Variants in PKNOX1 observed in about 807,000 individuals in gnomAD.
PKNOX1 encodes the protein homeobox protein PKNOX1.
Under a neutral mutation model 51.9 loss-of-function variants are expected in PKNOX1, and 15 were observed. That is an observed-to-expected ratio of 0.29 (90% CI 0.19 to 0.45). The LOEUF (loss-of-function observed/expected upper bound fraction) is 0.45. Ranked by LOEUF, PKNOX1 falls within the 20% of genes least tolerant of loss-of-function variation. PKNOX1 has a pLI of 1.00. For synonymous variants in PKNOX1, 219 were observed against 211.1 expected (o/e 1.04, Z -0.32); for missense variants, 462 against 547.5 (o/e 0.84, Z 1.56).
In PKNOX1 at chr21:43,022,400, C is replaced by T. The variant is rs769232496; in HGVS notation, c.849+969C>T. On this transcript the variant is annotated intron_variant, in intron 8 of 10. Coordinates refer to ENST00000291547, the MANE Select transcript of PKNOX1 (RefSeq NM_004571.5). The stretch of plus-strand genomic sequence containing the variant: ...GCGGCCCACTTTCCTCTGGCTGCCT[C>T]GGGCTCCTCAGTTGAGGATAGGGTC... Among the ~76,000 whole-genome samples, 164 of 152,312 alleles carry T rather than the reference C, an allele frequency of 1.1e-3. No homozygotes were observed. In the Middle Eastern group the frequency reaches 0.027, roughly 25 times the overall value.
At position 43,031,130 on chromosome 21, in the gene PKNOX1, TA is replaced by T. The variant is rs1181479962; in HGVS notation, c.*1030del. 1 of 152,700 alleles carries T rather than the reference TA, an allele frequency of 6.5e-6. No individual in the cohort carries two copies. Among genetic ancestry groups the T allele is most frequent in the East Asian group, 1.9e-4 (1 of 5,202 alleles). The allele number at this position is 152,700 out of a possible 1,614,324, so 9.5% of individuals were successfully genotyped here. On this transcript the variant is annotated 3_prime_UTR_variant, in exon 11 of 11. Transcript: ENST00000291547. ...CAGTTGCATGGTCGCTTTACCATGT[TA>T]GCTGTGTATTGTTTTAAAAGTTTTA... is the stretch of plus-strand genomic sequence containing the variant.
In PKNOX1 at chr21:43,032,294, A is replaced by G. The variant is rs1980307350; in HGVS notation, c.*2193A>G. 10 of 353,556 alleles carry G rather than the reference A, an allele frequency of 2.8e-5. No homozygotes were observed. The highest frequency in any genetic ancestry group is 5.4e-5 in the Non-Finnish European group (9 of 168,114). The allele number at this position is 353,556 out of a possible 1,614,324, so 21.9% of individuals were successfully genotyped here. A position where few individuals can be genotyped will look rare whatever the true frequency, so the allele number is the denominator to read the frequency against. On this transcript the variant is annotated 3_prime_UTR_variant, in exon 11 of 11. Transcript: ENST00000291547. ...ACTCCTTAAAATAAGCACCCATGAA[A>G]GCCAGCCAGCCCTTCCTCCTTCCCT...
At chr21:43,007,724 C>T in intron 3 of PKNOX1, 106 bp downstream of exon 3, 2 of 1,272,810 alleles carry the variant, frequency 1.6e-6, no homozygotes, top group Non-Finnish European at 1.1e-6. Flanking sequence ...TTGTGAGGTG[C>T]CATTATGATG....
Position 43,018,124 on chromosome 21 carries a change from C to T in PKNOX1, c.623-9C>T. ...AAAGCAGCCTCATATTTTTATTCTC[C>T]CTTTCGAGGTGGCACAGTGTATCAG... On this transcript the variant is annotated splice_polypyrimidine_tract_variant and intron_variant, in intron 6 of 10. Transcript: ENST00000291547. The T allele has an allele frequency of 5.9e-6, 9 of 1,528,724 alleles. No homozygotes were observed. The highest frequency in any genetic ancestry group is 8.1e-6 in the Non-Finnish European group (9 of 1,104,498). The allele number at this position is 1,528,724 out of a possible 1,614,324, so 94.7% of individuals were successfully genotyped here. A position where few individuals can be genotyped will look rare whatever the true frequency, so the allele number is the denominator to read the frequency against.
chr21:43,026,847 GC>G (rs3838118), intron 9 of PKNOX1, among the ~76,000 whole-genome samples: 76,238 of 151,860 alleles, frequency 0.5, 19,398 homozygotes, highest in East Asian at 0.67. Flanking sequence ...TGGAGCTTGT[GC>G]TGCAGGGATC....
chr21:43,027,758 A>T (rs1173273165), intron 9 of PKNOX1, among the ~76,000 whole-genome samples: 1 of 152,180 alleles, frequency 6.6e-6, no homozygotes, highest in Middle Eastern at 3.2e-3. Flanking sequence ...TTTACTAAAA[A>T]TACAAAAATG....
At chr21:42,977,537 CTTTTTTTTTTTTT>C (rs3044504) in intron 1 of PKNOX1, among the ~76,000 whole-genome samples, 109 of 47,164 alleles carry the variant, frequency 2.3e-3, no homozygotes, top group African/African-American at 9.7e-3. Context: ...CTGCTTCCAA[CTTTTTTTTTTTTT>C]TTTTTTTTTT....
At chr21:42,999,228 A>G (rs954006936) in intron 1 of PKNOX1, among the ~76,000 whole-genome samples, 2 of 152,352 alleles carry the variant, frequency 1.3e-5, no homozygotes, top group Non-Finnish European at 2.9e-5. Flanking sequence ...CTTTTCAGCC[A>G]CGGCTGGAGC....
intron 1 of PKNOX1, among the ~76,000 whole-genome samples, chr21:42,999,979 C>T (rs1978676704): frequency 6.6e-6 from 1 of 152,178 alleles, no homozygotes. Context: ...GGGCAAAATG[C>T]TGCCAGTCTC....
At chr21:42,985,050 C>T (rs947046969) in intron 1 of PKNOX1, among the ~76,000 whole-genome samples, 1 of 132,732 alleles carries the variant, frequency 7.5e-6, no homozygotes, top group African/African-American at 2.9e-5. Flanking sequence ...TGCAATGGCA[C>T]GATCTCGGCT....
At chr21:43,013,571 A>G (rs1571741) in intron 5 of PKNOX1, among the ~76,000 whole-genome samples, 81,772 of 152,042 alleles carry the variant, frequency 0.54, 22,098 homozygotes, top group Middle Eastern at 0.65. Context: ...CATCTTAGCT[A>G]TTTTAAAATT....
intron 7 of PKNOX1, among the ~76,000 whole-genome samples, chr21:43,019,084 CAAA>C (rs57172994): frequency 5.1e-5 from 6 of 118,500 alleles, no homozygotes; most frequent in Admixed American, 8.6e-5. Flanking sequence ...GACTCCATCT[CAAA>C]AAAAAAAAAA....
chr21:43,021,509 G>C lies in PKNOX1; in HGVS notation c.849+78G>C. 3.4e-6 allele frequency: 5 copies of C among 1,458,386 alleles called. No individual in the cohort carries two copies. Among genetic ancestry groups the C allele is most frequent in the Non-Finnish European group, 4.6e-6 (5 of 1,087,180 alleles). 90.3% of individuals were successfully genotyped at this position (1,458,386 alleles called of 1,614,324 possible). On this transcript the variant is annotated intron_variant, in intron 8 of 10. Transcript: ENST00000291547. The surrounding 1 kb of genome is among the most constrained non-coding windows in gnomAD (Gnocchi z 4.6). The stretch of plus-strand genomic sequence containing the variant: ...TCTGGCTTATGTGTCATGGAAAAGG[G>C]TTACTTCTCTGGGCTCAGAAAATCA...
chr21:42,991,686 A>C (rs1023082692), intron 1 of PKNOX1, among the ~76,000 whole-genome samples: 2 of 151,878 alleles, frequency 1.3e-5, no homozygotes, highest in Non-Finnish European at 2.9e-5. Context: ...GTGAGCCAAG[A>C]TCGTGCCACT....
At chr21:42,994,230 T>G (rs1296606794) in intron 1 of PKNOX1, among the ~76,000 whole-genome samples, 1 of 118,862 alleles carries the variant, frequency 8.4e-6, no homozygotes, top group African/African-American at 3.2e-5. Context: ...TTAGTAGAGA[T>G]AAGGTCTCAC....
intron 1 of PKNOX1, among the ~76,000 whole-genome samples, chr21:42,995,442 C>T (rs1011762523): frequency 2.0e-5 from 3 of 151,940 alleles, no homozygotes; most frequent in Non-Finnish European, 4.4e-5. Context: ...CTTTGGGAGG[C>T]GGAGGTAGGA....
intron 8 of PKNOX1, among the ~76,000 whole-genome samples, chr21:43,023,384 G>A (rs370348927): frequency 5.3e-5 from 8 of 152,090 alleles, no homozygotes; most frequent in Non-Finnish European, 2.9e-5. Context: ...TTTCCACGCC[G>A]CACTCAGTGT....
intron 1 of PKNOX1, among the ~76,000 whole-genome samples, 160 bp downstream of exon 1, chr21:42,974,824 C>G (rs894739322): frequency 6.7e-6 from 1 of 148,934 alleles, no homozygotes; most frequent in African/African-American, 2.4e-5. Context: ...ACCCGCCGCC[C>G]GGGGCAGGGG....
chr21:42,982,133 C>T (rs2059029894), intron 1 of PKNOX1, among the ~76,000 whole-genome samples: 1 of 152,188 alleles, frequency 6.6e-6, no homozygotes, highest in Non-Finnish European at 1.5e-5. Flanking sequence ...CACCACCTAC[C>T]AGGCGCTGAC....
Sources: allele counts gnomAD v4.1 joint callset (sites outside exome capture counted in the v4.1 genomes callset), GRCh38; gene constraint gnomAD v4.1.1; non-coding constraint Gnocchi (gnomAD v3.1); transcripts MANE v1.5; gene names NCBI Gene and HGNC (gene_info 2026-07-23, HGNC 2026-07-21).